SYNE1: variants seen among roughly 807,000 people sequenced by gnomAD.
SYNE1 encodes spectrin repeat containing nuclear envelope protein 1.
In SYNE1, 616 loss-of-function variants were observed where a neutral mutation model predicts 1,111.0. That is an observed-to-expected ratio of 0.55 (90% CI 0.52 to 0.59). The LOEUF (loss-of-function observed/expected upper bound fraction) is 0.59, where lower values mean the gene tolerates loss of function less well. Ranked by LOEUF, SYNE1 falls within the 20% of genes least tolerant of loss-of-function variation. SYNE1 has a pLI of 0.00. For synonymous variants in SYNE1, 3,855 were observed against 3,825.8 expected, an observed-to-expected ratio of 1.01 and a Z score of -0.28; for missense variants, 10,006 against 10,417.0, an observed-to-expected ratio of 0.96 and a Z score of 1.72.
intron 4 of SYNE1, 48 bp from the exon 5 acceptor site, chr6:152,526,223 T>G (rs2099162933): frequency 3.2e-6 from 5 of 1,561,632 alleles, no homozygotes; most frequent in Non-Finnish European, 4.4e-6. Flanking sequence ...CTTCCCTCTC[T>G]GTTTCTCTCT....
intron 73 of SYNE1, among the ~76,000 whole-genome samples, chr6:152,346,689 A>T (rs924882409): frequency 2.6e-5 from 4 of 151,956 alleles, no homozygotes; most frequent in Non-Finnish European, 5.9e-5. Context: ...GGGCGCCTGT[A>T]GTCCCAGCTA....
rs1056386245 is a variant in SYNE1 at position 152,321,955 on chromosome 6, T to A, written c.15918-69A>T. On this transcript the variant is annotated intron_variant, in intron 82 of 145. Transcript: ENST00000367255. ...AACCCCCTAATACTTGGCAACATTT[T>A]ATCCAATACATATATAGAAATGGGA... The A allele has an allele frequency of 4.5e-5, 70 of 1,549,938 alleles. 1 individual carries two copies. The South Asian group carries it at 6.7e-4, about 15-fold the overall frequency.
Position 152,353,437 on chromosome 6 carries a change from T to A in SYNE1, c.11083-4A>T, listed in dbSNP as rs764920428. 6.2e-7 allele frequency: 1 copy of A among 1,614,148 alleles called. No homozygotes were observed. The highest frequency in any genetic ancestry group is 1.1e-5 in the South Asian group (1 of 91,080). On this transcript the variant is annotated splice_polypyrimidine_tract_variant and splice_region_variant and intron_variant, in intron 68 of 145. Coordinates refer to ENST00000367255, the MANE Select transcript of SYNE1 (RefSeq NM_182961.4). ...CCTCCAGGAATTTTATTTGTTCCTA[T>A]GAAAGAAAAGAGAAAATTGAATGGT...
intron 100 of SYNE1, among the ~76,000 whole-genome samples, chr6:152,264,625 T>C (rs1016216514): frequency 6.6e-6 from 1 of 151,522 alleles, no homozygotes; most frequent in Non-Finnish European, 1.5e-5. Context: ...AGCCAGACCC[T>C]GTCTCTACAA....
At position 152,513,494 on chromosome 6, in the gene SYNE1, C is replaced by T. The variant is rs554357579; in HGVS notation, c.310-2391G>A. On this transcript the variant is annotated intron_variant, in intron 6 of 145. Transcript: ENST00000367255. ...GATTACAGGCATGCGCCACCACACC[C>T]GGCTAATTTTTGCATTTTTAGTAGA... Among the ~76,000 whole-genome samples the T allele has an allele frequency of 6.8e-4, 103 of 152,164 alleles. No individual in the cohort carries two copies. In the Middle Eastern group the frequency reaches 0.014, roughly 20 times the overall value.
chr6:152,460,031 A>G (rs1373063717), intron 21 of SYNE1, among the ~76,000 whole-genome samples: 4 of 152,236 alleles, frequency 2.6e-5, no homozygotes, highest in African/African-American at 9.6e-5. Context: ...TAATGTGTAT[A>G]CAAATCAGTG....
intron 8 of SYNE1, among the ~76,000 whole-genome samples, chr6:152,506,023 TCCA>T (rs1229364867): frequency 6.6e-6 from 1 of 152,214 alleles, no homozygotes; most frequent in Non-Finnish European, 1.5e-5. Context: ...TTCCAATTAC[TCCA>T]CCAATAAAAT....
In SYNE1 at chr6:152,233,836, C is replaced by T; in HGVS notation, c.20657G>A (p.Ser6886Asn). The change falls in exon 112 of 146, where the codon AGC (serine) becomes AAC (asparagine). Residue 6886 changes from serine (S) to asparagine (N), a missense_variant. By Grantham distance (46) the Ser-to-Asn change is conservative. Around this residue, in one of 7 missense-constraint regions of SYNE1, gnomAD observed 2,182 missense variants for 2,287.8 expected, o/e 0.95. Transcript: ENST00000367255. ...TLRSELSRID[S>N]QWTDLLTNIP... The stretch of plus-strand genomic sequence containing the variant: ...ATTGGTTAGCAGGTCAGTCCACTGG[C>T]TATCAATGCGCGACAGCTCAGAGCG... 6.2e-7 allele frequency: 1 copy of T among 1,614,214 alleles called. No homozygotes were observed. Among genetic ancestry groups the T allele is most frequent in the Non-Finnish European group, 8.5e-7 (1 of 1,180,036 alleles).
chr6:152,146,901 T>A (rs947538421), intron 137 of SYNE1: 1 of 152,332 alleles, frequency 6.6e-6, no homozygotes, highest in Admixed American at 6.5e-5. Flanking sequence ...TACATGTGAA[T>A]ACCTACCCAA....
chr6:152,315,289 C>A (rs1589887326), intron 87 of SYNE1: 1 of 150,250 alleles, frequency 6.7e-6, no homozygotes, highest in Non-Finnish European at 1.5e-5. Context: ...GCAACCTCCA[C>A]CTCCCGAGTT....
intron 14 of SYNE1, chr6:152,480,631 T>C (rs1209291770): frequency 2.9e-6 from 1 of 339,286 alleles, no homozygotes; most frequent in Non-Finnish European, 5.7e-6. Flanking sequence ...ACAATTTAAT[T>C]GTTTTATGAG....
At chr6:152,461,518 T>G in intron 21 of SYNE1, 79 bp downstream of exon 21, 2 of 1,562,708 alleles carry the variant, frequency 1.3e-6, no homozygotes, top group Non-Finnish European at 1.8e-6. Flanking sequence ...ACTTTGCCCA[T>G]GGGGAGAAGG....
At chr6:152,544,228 C>T (rs1266219846) in intron 3 of SYNE1, among the ~76,000 whole-genome samples, 11 of 152,138 alleles carry the variant, frequency 7.2e-5, no homozygotes, top group Non-Finnish European at 1.5e-4. Context: ...GGGTGCTGCA[C>T]AGCTGTGATA....
chr6:152,208,578 T>C (rs571792857), intron 124 of SYNE1, among the ~76,000 whole-genome samples: 5 of 152,346 alleles, frequency 3.3e-5, no homozygotes, highest in South Asian at 2.1e-4. Flanking sequence ...CAGCTCGTGA[T>C]GATGATATCA....
At chr6:152,328,396 A>G (rs1336466264) in intron 78 of SYNE1, among the ~76,000 whole-genome samples, 1 of 145,936 alleles carries the variant, frequency 6.9e-6, no homozygotes, top group African/African-American at 2.7e-5. Context: ...TTATTTATTT[A>G]TTTATTTATT....
chr6:152,145,468 T>TCCGGCTTGTTGTGCCTA, intron 137 of SYNE1: 1 of 1,612,990 alleles, frequency 6.2e-7, no homozygotes, highest in Non-Finnish European at 8.5e-7. Flanking sequence ...GGAGGCTGGC[T>TCCGGCTTGTTGTGCCTA]CCGGCTTGTT....
intron 41 of SYNE1, among the ~76,000 whole-genome samples, chr6:152,414,457 C>G (rs1178512716): frequency 6.6e-6 from 1 of 152,048 alleles, no homozygotes; most frequent in Non-Finnish European, 1.5e-5. Flanking sequence ...ACTCTTCATT[C>G]TTACAGTTTG....
rs1379371201 is a variant in SYNE1, at chr6:152,225,895, A to C, written c.21196-19T>G. The C allele has an allele frequency of 6.2e-7, 1 of 1,608,980 alleles. No individual in the cohort carries two copies. Among genetic ancestry groups the C allele is most frequent in the Admixed American group, 1.7e-5 (1 of 59,970 alleles). ...CCAGATCCTGAAAGATTTAAAAAATAGTCACTTTAAATTGTTCTATTATGG... is the reference window on the plus strand; with the variant it reads ...CCAGATCCTGAAAGATTTAAAAAATCGTCACTTTAAATTGTTCTATTATGG... On this transcript the variant is annotated intron_variant, in intron 115 of 145. Transcript: ENST00000367255.
chr6:152,599,025 T>C (rs557495081), intron 3 of SYNE1, among the ~76,000 whole-genome samples: 1 of 152,290 alleles, frequency 6.6e-6, no homozygotes, highest in South Asian at 2.1e-4. Context: ...AGAACAAACA[T>C]CTGGATTTAA....
Sources: gnomAD v4.1 joint callset for allele counts (sites outside exome capture counted in the v4.1 genomes callset) on GRCh38, gnomAD v4.1.1 for gene constraint, gnomAD v4.1.1 regional missense constraint, MANE v1.5 for transcripts, NCBI Gene and HGNC (gene_info 2026-07-23, HGNC 2026-07-21) for gene names.